NRXN3: variants seen among roughly 807,000 people sequenced by gnomAD.
The protein encoded by NRXN3 is neurexin 3, also known as neurexin III.
NRXN3 carries 32 observed loss-of-function variants against 137.6 expected under a neutral mutation model. The observed-to-expected ratio is 0.23, with a 90% CI of 0.18 to 0.31. The LOEUF (loss-of-function observed/expected upper bound fraction) is 0.31. Among genes scored for constraint, NRXN3 ranks in the 10% least tolerant of loss-of-function variants. The probability of loss-of-function intolerance (pLI) is 1.00; values close to 1 mark genes in which losing one functional copy is unlikely to be tolerated. For missense variants in NRXN3, 1,574 were observed against 2,062.5 expected, an observed-to-expected ratio of 0.76 and a Z score of 4.59; for synonymous variants, 798 against 784.5, an observed-to-expected ratio of 1.02 and a Z score of -0.29.
At position 78,397,246 on chromosome 14, in the gene NRXN3, G is replaced by A. The variant is rs574450025; in HGVS notation, c.757+99386G>A. On this transcript the variant is annotated intron_variant, in intron 4 of 20. Transcript: ENST00000335750. ...GAGTTTTAAGTTATTACTTCTTTAA[G>A]TACTTTTCAGCCATGCCTCCTTTGT... Among the ~76,000 whole-genome samples, 5 of 152,176 alleles carry A rather than the reference G, an allele frequency of 3.3e-5. No individual in the cohort carries two copies. In the South Asian group the frequency reaches 1.0e-3, roughly 32 times the overall value.
Position 79,673,522 on chromosome 14 carries a change from G to C in NRXN3, c.3616+9573G>C, listed in dbSNP as rs368211761. Reference sequence around the variant, plus strand: ...TGCACTTTCAAACAGCAGAAACACTGTAAAAACCTTTTTACTAACTGCTGT... The same window carrying C: ...TGCACTTTCAAACAGCAGAAACACTCTAAAAACCTTTTTACTAACTGCTGT... On this transcript the variant is annotated intron_variant, in intron 17 of 20. Transcript: ENST00000335750. Among the ~76,000 whole-genome samples, 31 of 152,202 alleles carry C rather than the reference G, an allele frequency of 2.0e-4. No homozygotes were observed. In the East Asian group the frequency reaches 3.3e-3, roughly 16 times the overall value.
chr14:79,704,172 G>C (rs1297405545), intron 19 of NRXN3, among the ~76,000 whole-genome samples: 1 of 152,126 alleles, frequency 6.6e-6, no homozygotes, highest in Middle Eastern at 3.2e-3. Context: ...TGAAGTGTAT[G>C]AAACCACTAT....
chr14:78,289,365 G>T (rs1464364708), intron 3 of NRXN3, among the ~76,000 whole-genome samples: 2 of 152,064 alleles, frequency 1.3e-5, no homozygotes, highest in Middle Eastern at 3.2e-3. Context: ...ATTTTTATAG[G>T]TCAAAACAAG....
intron 15 of NRXN3, among the ~76,000 whole-genome samples, chr14:79,331,012 C>T (rs2091610794): frequency 6.6e-6 from 1 of 152,080 alleles, no homozygotes; most frequent in South Asian, 2.1e-4. Context: ...TGTCCTGGTC[C>T]TTTCCCAAAA....
At chr14:79,793,580 C>A (rs1386446998) in intron 19 of NRXN3, among the ~76,000 whole-genome samples, 1 of 152,146 alleles carries the variant, frequency 6.6e-6, no homozygotes, top group African/African-American at 2.4e-5. Context: ...GAACTGTTCT[C>A]AGGGTTAGCT....
chr14:79,376,224 A>ATATATG (rs2094289140), intron 15 of NRXN3, among the ~76,000 whole-genome samples: 1 of 19,720 alleles, frequency 5.1e-5, no homozygotes, highest in Non-Finnish European at 1.0e-4. Context: ...GTATATATAT[A>ATATATG]TATATATATA....
intron 15 of NRXN3, chr14:79,279,856 A>C: frequency 9.9e-7 from 1 of 1,009,716 alleles, no homozygotes; most frequent in Non-Finnish European, 1.2e-6. Context: ...ACTCACCTGA[A>C]CCCACTTGGG....
intron 4 of NRXN3, chr14:78,300,577 T>G (rs2076778779): frequency 1.3e-6 from 1 of 753,066 alleles, no homozygotes; most frequent in Non-Finnish European, 2.2e-6. Flanking sequence ...GTGTTTGCAG[T>G]GTGCTGATGT....
At chr14:79,376,769 A>G in intron 15 of NRXN3, among the ~76,000 whole-genome samples, 1 of 152,208 alleles carries the variant, frequency 6.6e-6, no homozygotes, top group East Asian at 1.9e-4. Flanking sequence ...CCTATTTGCT[A>G]GGTACATGAT....
rs79718478 is a variant in NRXN3, at chr14:78,360,276, G to A, written c.757+62416G>A. 8.4e-3 allele frequency among the ~76,000 whole-genome samples: 1,286 copies of A among 152,232 alleles called. 40 individuals are homozygous for A. Among genetic ancestry groups the A allele is most frequent in the East Asian group, 0.084 (435 of 5,178 alleles). ...CCCATCCAGGCTACTGAATTAGACC[G>A]TCTAGGGGTCGGGGTCCTTTCACTG... is the stretch of plus-strand genomic sequence containing the variant. On this transcript the variant is annotated intron_variant, in intron 4 of 20. Transcript: ENST00000335750.
chr14:78,634,502 G>A (rs112956084), intron 4 of NRXN3, among the ~76,000 whole-genome samples: 32 of 152,288 alleles, frequency 2.1e-4, no homozygotes, highest in African/African-American at 5.5e-4. Context: ...GCGGTTAGAC[G>A]TTTTATTGGC....
intron 16 of NRXN3, among the ~76,000 whole-genome samples, chr14:79,636,409 TC>T (rs1449691910): frequency 6.6e-6 from 1 of 152,070 alleles, no homozygotes; most frequent in African/African-American, 2.4e-5. Context: ...TTTTTGTTTT[TC>T]TTTTTTTGTT....
intron 4 of NRXN3, among the ~76,000 whole-genome samples, chr14:78,418,006 C>T (rs1358803885): frequency 2.6e-5 from 4 of 152,186 alleles, no homozygotes; most frequent in Admixed American, 2.0e-4. Flanking sequence ...ATCCACCCAT[C>T]TCAGCCTCCC....
intron 10 of NRXN3, among the ~76,000 whole-genome samples, chr14:78,849,757 C>T (rs1474793486): frequency 6.6e-6 from 1 of 151,936 alleles, no homozygotes; most frequent in East Asian, 1.9e-4. Context: ...AATACTGTTA[C>T]CCAGAGCCAA....
intron 16 of NRXN3, among the ~76,000 whole-genome samples, chr14:79,595,403 A>G (rs2097849980): frequency 6.6e-6 from 1 of 152,194 alleles, no homozygotes; most frequent in Non-Finnish European, 1.5e-5. Context: ...AGAAAATCTT[A>G]TATTTTCTTT....
chr14:78,621,537 A>G (rs1161501862), intron 4 of NRXN3, among the ~76,000 whole-genome samples: 3 of 152,218 alleles, frequency 2.0e-5, no homozygotes, highest in Non-Finnish European at 4.4e-5. Context: ...CACATTTAAC[A>G]GAGTGGTTTT....
intron 19 of NRXN3, among the ~76,000 whole-genome samples, chr14:79,778,583 C>A (rs1433400296): frequency 6.6e-6 from 1 of 152,038 alleles, no homozygotes; most frequent in Non-Finnish European, 1.5e-5. Context: ...AATGGAGTAG[C>A]ATGTTGTTTG....
At chr14:79,446,172 A>G (rs2153578389) in intron 15 of NRXN3, among the ~76,000 whole-genome samples, 1 of 152,260 alleles carries the variant, frequency 6.6e-6, no homozygotes, top group Admixed American at 6.5e-5. Context: ...AATTAATGGG[A>G]TGAAGTGCTG....
At chr14:78,314,420 C>T (rs1385797200) in intron 4 of NRXN3, among the ~76,000 whole-genome samples, 1 of 152,152 alleles carries the variant, frequency 6.6e-6, no homozygotes, top group Non-Finnish European at 1.5e-5. Flanking sequence ...ATCTCTACTC[C>T]ACACAGTCAT....
Sources: allele counts gnomAD v4.1 joint callset (sites outside exome capture counted in the v4.1 genomes callset), GRCh38; gene constraint gnomAD v4.1.1; transcripts MANE v1.5; gene names NCBI Gene and HGNC (gene_info 2026-07-23, HGNC 2026-07-21).